The following CFAP95 variants were observed in gnomAD, a reference collection of about 807,000 sequenced individuals.
CFAP95 encodes cilia and flagella associated protein 95, also known as cilia- and flagella-associated protein 95.
At chr9:69,905,947 C>G in the CFAP95 span, 1 of 1,556,468 alleles carries the variant, frequency 6.4e-7, no homozygotes, top group South Asian at 1.3e-5. Context: ...TCTTTTTTCC[C>G]CCATAGGCTT....
chr9:69,898,324 A>G, the CFAP95 span, among the ~76,000 whole-genome samples: 21,707 of 152,140 alleles, frequency 0.14, 2,044 homozygotes, highest in African/African-American at 0.24. Flanking sequence ...TTATGGACCC[A>G]ATCATGGGCT....
the CFAP95 span, among the ~76,000 whole-genome samples, chr9:69,858,632 C>T: frequency 1.3e-5 from 2 of 152,172 alleles, no homozygotes; most frequent in Non-Finnish European, 2.9e-5. Context: ...TGTCTTTAAG[C>T]AGAAACAGAC....
chr9:69,852,120 A>G, the CFAP95 span, among the ~76,000 whole-genome samples: 3 of 151,980 alleles, frequency 2.0e-5, no homozygotes, highest in African/African-American at 7.3e-5. Flanking sequence ...AGAAATAAGT[A>G]TGGTCTTTGT....
the CFAP95 span, among the ~76,000 whole-genome samples, chr9:69,852,028 G>A: frequency 2.0e-5 from 3 of 152,070 alleles, no homozygotes; most frequent in Non-Finnish European, 4.4e-5. Context: ...GGCCTCTCTC[G>A]GATCCTTTAG....
chr9:69,892,846 C>G, the CFAP95 span, among the ~76,000 whole-genome samples: 2 of 152,192 alleles, frequency 1.3e-5, no homozygotes, highest in Non-Finnish European at 2.9e-5. Context: ...CAGCCGAACT[C>G]CAGGGGAAGA....
the CFAP95 span, among the ~76,000 whole-genome samples, chr9:69,874,863 C>T: frequency 2.0e-5 from 3 of 152,304 alleles, 1 homozygote; most frequent in African/African-American, 7.2e-5. Flanking sequence ...CAGATAATGA[C>T]TTAAATCACT....
chr9:69,857,914 C>T, the CFAP95 span: 5 of 1,613,834 alleles, frequency 3.1e-6, no homozygotes, highest in Non-Finnish European at 4.2e-6. Context: ...TTTAGGGTCA[C>T]CGGATTGCCT....
chr9:69,866,948 G>T, the CFAP95 span, among the ~76,000 whole-genome samples: 1 of 152,156 alleles, frequency 6.6e-6, no homozygotes, highest in African/African-American at 2.4e-5. Flanking sequence ...AGCTTGGCTG[G>T]TACTGAGTGG....
At chr9:69,904,601 G>A in the CFAP95 span, among the ~76,000 whole-genome samples, 1 of 152,156 alleles carries the variant, frequency 6.6e-6, no homozygotes, top group African/African-American at 2.4e-5. Context: ...CCTATGAAAT[G>A]CTGAAGGAGC....
the CFAP95 span, among the ~76,000 whole-genome samples, chr9:69,845,076 C>G: frequency 6.6e-6 from 1 of 152,098 alleles, no homozygotes; most frequent in African/African-American, 2.4e-5. Context: ...GAGTTTATAC[C>G]CTGGTCTTTG....
At chr9:69,842,867 C>G in the CFAP95 span, among the ~76,000 whole-genome samples, 1 of 152,182 alleles carries the variant, frequency 6.6e-6, no homozygotes, top group Non-Finnish European at 1.5e-5. Flanking sequence ...TGCCGCCCCA[C>G]CTTGGGCTCC....
the CFAP95 span, chr9:69,821,095 A>C: frequency 1.9e-6 from 3 of 1,576,314 alleles, no homozygotes; most frequent in Non-Finnish European, 2.6e-6. Flanking sequence ...GAAAGGATGG[A>C]ACAGGAAAGG....
chr9:69,826,925 A>G, the CFAP95 span, among the ~76,000 whole-genome samples: 1 of 152,188 alleles, frequency 6.6e-6, no homozygotes, highest in Non-Finnish European at 1.5e-5. Flanking sequence ...GTAAAAGACT[A>G]CAGTATAGTA....
At chr9:69,837,554 C>T in the CFAP95 span, among the ~76,000 whole-genome samples, 6 of 152,162 alleles carry the variant, frequency 3.9e-5, no homozygotes, top group South Asian at 1.0e-3. Flanking sequence ...TGTTCATGTC[C>T]TTCGCCCACT....
the CFAP95 span, among the ~76,000 whole-genome samples, chr9:69,828,913 G>A: frequency 6.6e-6 from 1 of 152,102 alleles, no homozygotes; most frequent in African/African-American, 2.4e-5. Flanking sequence ...ACTTTCTACA[G>A]CTTTTCCCTG....
At chr9:69,850,820 G>A in the CFAP95 span, among the ~76,000 whole-genome samples, 1 of 152,148 alleles carries the variant, frequency 6.6e-6, no homozygotes, top group Non-Finnish European at 1.5e-5. Context: ...ACAGGTTTCA[G>A]CATTCTCTCC....
the CFAP95 span, among the ~76,000 whole-genome samples, chr9:69,901,247 C>T: frequency 6.6e-6 from 1 of 151,854 alleles, no homozygotes; most frequent in Admixed American, 6.6e-5. Flanking sequence ...ACGCCATTCT[C>T]CTGCCTCAGC....
At chr9:69,834,154 T>C in the CFAP95 span, among the ~76,000 whole-genome samples, 2 of 152,214 alleles carry the variant, frequency 1.3e-5, no homozygotes, top group Non-Finnish European at 2.9e-5. Flanking sequence ...ATGCCAGGTA[T>C]ACTGCAAGGT....
chr9:69,902,623 T>A, the CFAP95 span, among the ~76,000 whole-genome samples: 2 of 152,182 alleles, frequency 1.3e-5, no homozygotes, highest in Admixed American at 6.5e-5. Flanking sequence ...CAATTTTGCC[T>A]TGGTTCTGAG....
Sources: allele counts gnomAD v4.1 joint callset (sites outside exome capture counted in the v4.1 genomes callset), GRCh38; gene constraint gnomAD v4.1.1; transcripts MANE v1.5; gene names NCBI Gene and HGNC (gene_info 2026-07-23, HGNC 2026-07-21).